ROBO1: variants seen among roughly 807,000 people sequenced by gnomAD.
The protein encoded by ROBO1 is roundabout homolog 1.
In ROBO1, 149 loss-of-function variants were observed where a neutral mutation model predicts 195.9. The ratio of observed to expected loss-of-function variants is 0.76; its 90% CI spans 0.67 to 0.87. ROBO1 has a LOEUF of 0.87. Ranked by LOEUF, ROBO1 falls within the 40% of genes least tolerant of loss-of-function variation. ROBO1 has a pLI of 0.00. For synonymous variants in ROBO1, 816 were observed against 733.2 expected, an observed-to-expected ratio of 1.11 and a Z score of -1.82; for missense variants, 1,933 against 2,068.3, an observed-to-expected ratio of 0.93 and a Z score of 1.27.
intron 2 of ROBO1, among the ~76,000 whole-genome samples, chr3:79,310,690 T>A (rs1166188115): frequency 6.6e-6 from 1 of 152,194 alleles, no homozygotes; most frequent in African/African-American, 2.4e-5. Flanking sequence ...ATGCCCTGAT[T>A]TGATCATTAC....
chr3:79,606,013 C>A (rs1944471027), intron 1 of ROBO1, among the ~76,000 whole-genome samples: 1 of 146,418 alleles, frequency 6.8e-6, no homozygotes, highest in African/African-American at 2.6e-5. Flanking sequence ...TATATATACC[C>A]ATTTATATAT....
intron 2 of ROBO1, among the ~76,000 whole-genome samples, chr3:79,191,216 CTA>C (rs2081533814): frequency 6.6e-6 from 1 of 151,262 alleles, no homozygotes; most frequent in Non-Finnish European, 1.5e-5. Context: ...CTCATTTTTT[CTA>C]AAGTTTTACT....
chr3:78,787,866 T>C (rs982203774), intron 4 of ROBO1, among the ~76,000 whole-genome samples: 1 of 149,988 alleles, frequency 6.7e-6, no homozygotes, highest in Non-Finnish European at 1.5e-5. Flanking sequence ...AGCAGTGAGC[T>C]GCAGTGAGCT....
rs143324130 is a variant in ROBO1, at chr3:79,254,732, C to T, written c.89-129193G>A. On this transcript the variant is annotated intron_variant, in intron 2 of 30. Coordinates refer to ENST00000464233, the MANE Select transcript of ROBO1 (RefSeq NM_002941.4). ...TTAGCTATGTAACCTCGGGAAGTCT[C>T]TCTCATTATTTCAATGCCCCTTATT... Among the ~76,000 whole-genome samples, 31 of 152,240 alleles carry T rather than the reference C, an allele frequency of 2.0e-4. No individual in the cohort carries two copies. The East Asian group carries it at 5.8e-3, about 28-fold the overall frequency.
At chr3:79,347,516 A>C (rs1264306303) in intron 2 of ROBO1, among the ~76,000 whole-genome samples, 6 of 152,206 alleles carry the variant, frequency 3.9e-5, no homozygotes, top group East Asian at 1.9e-4. Flanking sequence ...TTTGTCACTA[A>C]ATTAATTAAT....
chr3:78,954,955 T>TC (rs2040966502), intron 3 of ROBO1, among the ~76,000 whole-genome samples: 1 of 151,680 alleles, frequency 6.6e-6, no homozygotes, highest in African/African-American at 2.4e-5. Flanking sequence ...AAAAACTTTT[T>TC]TTTTTTTTTT....
At chr3:78,916,382 T>C (rs2038589767) in intron 4 of ROBO1, among the ~76,000 whole-genome samples, 1 of 151,450 alleles carries the variant, frequency 6.6e-6, no homozygotes. Flanking sequence ...TGAAACCCCA[T>C]CTCTACTAAA....
chr3:79,242,558 T>C (rs1040670478), intron 2 of ROBO1, among the ~76,000 whole-genome samples: 9 of 152,194 alleles, frequency 5.9e-5, no homozygotes, highest in African/African-American at 2.2e-4. Context: ...AATAAAGCCA[T>C]GGACATGGTG....
intron 3 of ROBO1, among the ~76,000 whole-genome samples, chr3:79,030,128 T>C (rs2078267410): frequency 6.6e-6 from 1 of 152,208 alleles, no homozygotes; most frequent in African/African-American, 2.4e-5. Flanking sequence ...AACTATCCAT[T>C]TCCTAATGGA....
At chr3:79,473,781 T>C (rs1306041893) in intron 2 of ROBO1, among the ~76,000 whole-genome samples, 1 of 152,150 alleles carries the variant, frequency 6.6e-6, no homozygotes, top group Non-Finnish European at 1.5e-5. Context: ...AGGATACTAA[T>C]ACATTCTTGA....
At chr3:78,657,955 A>G (rs1043873640) in intron 17 of ROBO1, among the ~76,000 whole-genome samples, 1 of 152,238 alleles carries the variant, frequency 6.6e-6, no homozygotes, top group Non-Finnish European at 1.5e-5. Flanking sequence ...TCAATGAGAG[A>G]CAATTTGCCC....
intron 2 of ROBO1, among the ~76,000 whole-genome samples, chr3:79,317,180 T>G (rs897779346): frequency 2.0e-5 from 3 of 152,174 alleles, no homozygotes; most frequent in Admixed American, 1.3e-4. Flanking sequence ...GTGTATGTAT[T>G]TATATTCATT....
chr3:79,015,677 G>GA (rs1030045213), intron 3 of ROBO1, among the ~76,000 whole-genome samples: 3 of 152,094 alleles, frequency 2.0e-5, no homozygotes, highest in Non-Finnish European at 4.4e-5. Flanking sequence ...GAATCTACCT[G>GA]AAAAATGAAT....
chr3:79,460,199 T>C (rs949088407), intron 2 of ROBO1, among the ~76,000 whole-genome samples: 8 of 152,176 alleles, frequency 5.3e-5, no homozygotes, highest in African/African-American at 1.9e-4. Context: ...GTTGGTAATT[T>C]TGACTTAAAT....
intron 2 of ROBO1, among the ~76,000 whole-genome samples, chr3:79,289,496 G>C (rs975566498): frequency 6.6e-6 from 1 of 151,960 alleles, no homozygotes; most frequent in Admixed American, 6.6e-5. Flanking sequence ...TTTCCTTTAG[G>C]TGAAATGTTT....
At chr3:79,633,729 A>T (rs1489103752) in intron 1 of ROBO1, among the ~76,000 whole-genome samples, 6 of 3,086 alleles carry the variant, frequency 1.9e-3, no homozygotes, top group African/African-American at 2.5e-3. Context: ...TAGTGATTTA[A>T]AAAAAAACAC....
At chr3:79,288,543 G>A (rs2109020886) in intron 2 of ROBO1, among the ~76,000 whole-genome samples, 1 of 152,294 alleles carries the variant, frequency 6.6e-6, no homozygotes, top group Non-Finnish European at 1.5e-5. Context: ...CTTGAGTATA[G>A]AGTTTGCCCA....
chr3:78,973,739 T>C, intron 3 of ROBO1, among the ~76,000 whole-genome samples: 1 of 151,714 alleles, frequency 6.6e-6, no homozygotes, highest in Non-Finnish European at 1.5e-5. Context: ...GGAAGTAATG[T>C]TAGCTAAAAA....
At chr3:79,032,006 G>A (rs973348057) in intron 3 of ROBO1, among the ~76,000 whole-genome samples, 1 of 151,700 alleles carries the variant, frequency 6.6e-6, no homozygotes, top group Non-Finnish European at 1.5e-5. Context: ...GCTTATATAG[G>A]GTATGAAGCC....
Sources: allele counts gnomAD v4.1 joint callset (sites outside exome capture counted in the v4.1 genomes callset), GRCh38; gene constraint gnomAD v4.1.1; transcripts MANE v1.5; gene names NCBI Gene and HGNC (gene_info 2026-07-23, HGNC 2026-07-21).